TUT4: variants seen among roughly 807,000 people sequenced by gnomAD.
TUT4 encodes the protein terminal uridylyltransferase 4.
Under a neutral mutation model 192.2 loss-of-function variants are expected in TUT4, and 36 were observed. That is an observed-to-expected ratio of 0.19 (90% CI 0.14 to 0.25). TUT4 has a LOEUF of 0.25. Among genes scored for constraint, TUT4 ranks in the 10% least tolerant of loss-of-function variants. The pLI is 1.00. For synonymous variants in TUT4, 618 were observed against 666.0 expected (o/e 0.93, Z 1.11); for missense variants, 1,493 against 1,957.2 (o/e 0.76, Z 4.47).
At chr1:52,425,725 ATATG>A (rs1649666181) in intron 28 of TUT4, among the ~76,000 whole-genome samples, 1 of 152,176 alleles carries the variant, frequency 6.6e-6, no homozygotes, top group African/African-American at 2.4e-5. Context: ...ATACACAACA[ATATG>A]TAATAATTGC....
intron 14 of TUT4, among the ~76,000 whole-genome samples, chr1:52,470,539 A>G (rs2148827924): frequency 6.6e-6 from 1 of 152,338 alleles, no homozygotes; most frequent in Non-Finnish European, 1.5e-5. Flanking sequence ...AAATTGTGGT[A>G]TAACCATACA....
chr1:52,528,187 T>A (rs2985454), intron 1 of TUT4, among the ~76,000 whole-genome samples: 141,831 of 146,000 alleles, frequency 0.97, 68,894 homozygotes, highest in East Asian at 1. Context: ...TCGAAAAAAA[T>A]AATAATAATA....
At chr1:52,507,580 T>G (rs1675954699) in intron 4 of TUT4, among the ~76,000 whole-genome samples, 1 of 152,222 alleles carries the variant, frequency 6.6e-6, no homozygotes, top group South Asian at 2.1e-4. Flanking sequence ...TTTTTGTTCA[T>G]TTCTATAATG....
Position 52,423,938 on chromosome 1 carries a change from C to T in TUT4, c.4935G>A (p.Glu1645=). ...CPHPPRGNVS[E] is the part of the protein sequence containing the mutation. Reference sequence around the variant, plus strand: ...GCTGAAAGAAAATGGACTCGCATTACTCCGACACGTTTCCTCTTGGTGGGT... The same window carrying T: ...GCTGAAAGAAAATGGACTCGCATTATTCCGACACGTTTCCTCTTGGTGGGT... The change falls in exon 30 of 30, where the codon GAG becomes GAA. Residue 1645 remains glutamate, a synonymous_variant. Transcript: ENST00000257177. 6.2e-7 allele frequency: 1 copy of T among 1,613,134 alleles called. No individual in the cohort carries two copies. The highest frequency in any genetic ancestry group is 8.5e-7 in the Non-Finnish European group (1 of 1,179,622).
At chr1:52,511,303 C>A (rs776379133) in intron 3 of TUT4, among the ~76,000 whole-genome samples, 7 of 152,140 alleles carry the variant, frequency 4.6e-5, no homozygotes, top group African/African-American at 7.2e-5. Flanking sequence ...AAATCAGTTC[C>A]TACTGGAGAA....
intron 2 of TUT4, among the ~76,000 whole-genome samples, chr1:52,518,110 T>C (rs1295477492): frequency 1.3e-5 from 2 of 152,176 alleles, no homozygotes; most frequent in Non-Finnish European, 2.9e-5. Flanking sequence ...AAAACAAGAA[T>C]TGAAAACCTG....
chr1:52,463,539 G>T, intron 16 of TUT4: 3 of 1,170,544 alleles, frequency 2.6e-6, no homozygotes, highest in Non-Finnish European at 3.2e-6. Flanking sequence ...CTTTTATAAT[G>T]TAACAGAGGC....
chr1:52,516,169 C>A, intron 2 of TUT4, 115 bp from the exon 3 acceptor site: 1 of 871,002 alleles, frequency 1.1e-6, no homozygotes. Context: ...CTTATATTTT[C>A]CTTAGGAAAG....
chr1:52,528,919 C>T (rs930635810), intron 1 of TUT4, among the ~76,000 whole-genome samples: 20 of 151,986 alleles, frequency 1.3e-4, no homozygotes, highest in Admixed American at 1.1e-3. Context: ...CACTATGTTG[C>T]TCAGGCTTGT....
chr1:52,461,088 T>C, intron 19 of TUT4, 46 bp downstream of exon 19: 1 of 1,442,808 alleles, frequency 6.9e-7, no homozygotes, highest in Non-Finnish European at 9.4e-7. Flanking sequence ...TATGTTTCAT[T>C]TTAATTATCA....
Position 52,497,053 on chromosome 1 carries a change from T to C in TUT4, c.1130A>G (p.Gln377Arg), listed in dbSNP as rs1301234274. 6.2e-7 allele frequency: 1 copy of C among 1,613,942 alleles called. No individual in the cohort carries two copies. ...CTTTGACATTTCCTCCACAATTTCC[T>C]GACGGACTCTGAGGTCATCATCTGT... ...GITDDDLRVRQEIVEEMSKVI... is the reference protein window; with the variant it reads ...GITDDDLRVRREIVEEMSKVI... The change falls in exon 5 of 30, where the codon CAG (glutamine) becomes CGG (arginine). Residue 377 changes from glutamine to arginine, a missense_variant. Gln to Arg is a conservative substitution (Grantham distance 43). This residue lies in a region of TUT4 where 437 missense variants were observed against 577.6 expected (regional missense o/e 0.76). Transcript: ENST00000257177.
chr1:52,444,981 GTA>G (rs573044412), intron 24 of TUT4, among the ~76,000 whole-genome samples: 67 of 149,642 alleles, frequency 4.5e-4, no homozygotes, highest in African/African-American at 5.7e-4. Flanking sequence ...GTATATGTGT[GTA>G]TATATATGTA....
chr1:52,551,404 AAAGT>A (rs1266563487), intron 1 of TUT4, among the ~76,000 whole-genome samples: 44 of 152,262 alleles, frequency 2.9e-4, no homozygotes, highest in Non-Finnish European at 2.9e-4. Flanking sequence ...AAGAGTTTTA[AAAGT>A]AAGTTTCTTT....
At chr1:52,535,147 T>C (rs1684565696) in intron 1 of TUT4, 1 of 152,182 alleles carries the variant, frequency 6.6e-6, no homozygotes, top group Non-Finnish European at 1.5e-5. Context: ...TTCACATCAT[T>C]CACTTCTGTA....
Position 52,525,653 on chromosome 1 carries a change from G to C in TUT4, c.628C>G (p.Pro210Ala). Residue 210 changes from proline (P) to alanine (A), a missense_variant, in exon 2 of 30, where the codon CCA (proline) becomes GCA (alanine). This residue lies in a region of TUT4 where 260 missense variants were observed against 247.8 expected (regional missense o/e 1.05). Coordinates refer to ENST00000257177, the MANE Select transcript of TUT4 (RefSeq NM_001009881.3). ...GGEKCALQNS[P>A]RSQKQQTCTD... ...CATGTCTGTTGCTTCTGAGATCGTG[G>C]TGAGTTTTGCAGAGCACATTTTTCT... is the stretch of plus-strand genomic sequence containing the variant. 6.2e-7 allele frequency: 1 copy of C among 1,614,128 alleles called. No individual in the cohort carries two copies.
intron 1 of TUT4, among the ~76,000 whole-genome samples, chr1:52,546,949 T>C (rs1270482886): frequency 6.6e-6 from 1 of 151,800 alleles, no homozygotes; most frequent in Non-Finnish European, 1.5e-5. Context: ...CTAGACAACA[T>C]AATGAGATCC....
At chr1:52,528,689 A>G (rs1158341250) in intron 1 of TUT4, among the ~76,000 whole-genome samples, 2 of 152,148 alleles carry the variant, frequency 1.3e-5, no homozygotes, top group African/African-American at 4.8e-5. Context: ...TTGATTTACT[A>G]AATTACAAAT....
chr1:52,513,207 G>A (rs1677728129), intron 3 of TUT4, among the ~76,000 whole-genome samples: 1 of 150,586 alleles, frequency 6.6e-6, no homozygotes, highest in African/African-American at 2.4e-5. Context: ...GCCGAGACCA[G>A]TCCGGGCAAC....
rs147893531 is a variant in TUT4, at chr1:52,509,914, T to A, written c.883-202A>T. ...TAGTAGTCCTTTTTCAAAATAGTTA[T>A]CATAGGAGATTACATACTAACTTTA... On this transcript the variant is annotated intron_variant, in intron 3 of 29. Transcript: ENST00000257177. Among the ~76,000 whole-genome samples, 766 of 152,318 alleles carry A rather than the reference T, an allele frequency of 5.0e-3. 8 individuals are homozygous for A. The highest frequency in any genetic ancestry group is 0.017 in the African/African-American group (709 of 41,570).
Sources: gnomAD v4.1 joint callset for allele counts (sites outside exome capture counted in the v4.1 genomes callset) on GRCh38, gnomAD v4.1.1 for gene constraint, gnomAD v4.1.1 regional missense constraint, MANE v1.5 for transcripts, NCBI Gene and HGNC (gene_info 2026-07-23, HGNC 2026-07-21) for gene names.